Variants in DAB1 observed in about 807,000 individuals in gnomAD.
The protein encoded by DAB1 is disabled homolog 1.
DAB1 carries 15 observed loss-of-function variants against 64.6 expected under a neutral mutation model. That is an observed-to-expected ratio of 0.23 (90% CI 0.16 to 0.36). DAB1 has a LOEUF of 0.36. DAB1 is among the 10% of genes least tolerant of loss of function. The pLI, the probability that DAB1 is intolerant of heterozygous loss-of-function variation, is 1.00. For missense variants in DAB1, 596 were observed against 706.7 expected, an observed-to-expected ratio of 0.84 and a Z score of 1.78; for synonymous variants, 235 against 251.9, an observed-to-expected ratio of 0.93 and a Z score of 0.64.
chr1:57,594,803 C>T (rs369422898), intron 7 of DAB1, among the ~76,000 whole-genome samples: 23 of 152,244 alleles, frequency 1.5e-4, no homozygotes, highest in South Asian at 1.2e-3. Context: ...CTCCGCCTCC[C>T]GGGTTCACGC....
intron 6 of DAB1, among the ~76,000 whole-genome samples, chr1:57,736,619 C>A (rs1035897090): frequency 6.6e-6 from 1 of 151,940 alleles, no homozygotes; most frequent in East Asian, 1.9e-4. Flanking sequence ...TGTGATAGAG[C>A]TTTTACGACC....
chr1:57,468,531 G>A (rs753916417), intron 7 of DAB1, among the ~76,000 whole-genome samples: 9 of 152,194 alleles, frequency 5.9e-5, no homozygotes, highest in African/African-American at 2.2e-4. Context: ...GGTGATCTCA[G>A]TATCTTACAG....
In DAB1 at chr1:57,650,125, G is replaced by A. The variant is rs1010450543; in HGVS notation, n.552-460C>T. Among the ~76,000 whole-genome samples, 4 of 152,194 alleles carry A rather than the reference G, an allele frequency of 2.6e-5. No homozygotes were observed. The East Asian group carries it at 5.8e-4, about 22-fold the overall frequency. ...CCCTTTAATCTGTAATTCAGCTTCC[G>A]GATTCCTTCTTCTTCGTCTTCTTTT... is the stretch of plus-strand genomic sequence containing the variant. On this transcript the variant is annotated intron_variant and non_coding_transcript_variant, in intron 6 of 20. Coordinates refer to the DAB1 transcript ENST00000485760.
At chr1:57,713,754 G>A (rs1329575456) in intron 6 of DAB1, among the ~76,000 whole-genome samples, 2 of 152,198 alleles carry the variant, frequency 1.3e-5, no homozygotes, top group African/African-American at 2.4e-5. Flanking sequence ...GAGTATGGAT[G>A]TTGGACTCTT....
intron 7 of DAB1, among the ~76,000 whole-genome samples, chr1:57,499,531 G>A (rs757304116): frequency 2.6e-5 from 4 of 152,294 alleles, no homozygotes; most frequent in Non-Finnish European, 5.9e-5. Flanking sequence ...GCCCACCGAA[G>A]TGACCCTGCC....
At chr1:57,132,026 C>T (rs1016320439) in intron 4 of DAB1, among the ~76,000 whole-genome samples, 1 of 152,096 alleles carries the variant, frequency 6.6e-6, no homozygotes, top group African/African-American at 2.4e-5. Context: ...TTTCATATAT[C>T]TGTGCCTTTA....
At chr1:57,278,182 C>A (rs1671618243) in intron 2 of DAB1, among the ~76,000 whole-genome samples, 1 of 152,182 alleles carries the variant, frequency 6.6e-6, no homozygotes, top group South Asian at 2.1e-4. Flanking sequence ...AATTAAAATA[C>A]CTGTCCTTCT....
chr1:58,455,334 C>G (rs147530090), intron 3 of DAB1, among the ~76,000 whole-genome samples: 1 of 152,262 alleles, frequency 6.6e-6, no homozygotes. Flanking sequence ...CTCACCAACA[C>G]CTGTCAGTCA....
At chr1:57,278,583 G>A (rs1421056583) in intron 2 of DAB1, among the ~76,000 whole-genome samples, 1 of 152,134 alleles carries the variant, frequency 6.6e-6, no homozygotes, top group African/African-American at 2.4e-5. Flanking sequence ...GGAAGGAGAG[G>A]GATTCTGAGG....
chr1:58,018,173 C>T (rs560492544), intron 5 of DAB1, among the ~76,000 whole-genome samples: 2 of 152,266 alleles, frequency 1.3e-5, no homozygotes, highest in African/African-American at 4.8e-5. Flanking sequence ...CTGCTTCTAT[C>T]TGTGTCTCCC....
At chr1:57,692,223 C>T (rs183919575) in intron 6 of DAB1, among the ~76,000 whole-genome samples, 6 of 152,270 alleles carry the variant, frequency 3.9e-5, no homozygotes, top group Non-Finnish European at 8.8e-5. Context: ...CTTCCTCTCA[C>T]CTCTCTTCTC....
intron 5 of DAB1, among the ~76,000 whole-genome samples, chr1:58,027,825 T>G (rs930614398): frequency 1.3e-5 from 2 of 152,178 alleles, no homozygotes; most frequent in African/African-American, 4.8e-5. Flanking sequence ...TAAATAGGTT[T>G]TCCAGAATTC....
intron 7 of DAB1, among the ~76,000 whole-genome samples, chr1:57,633,935 G>GT (rs1646021269): frequency 6.6e-6 from 1 of 152,200 alleles, no homozygotes; most frequent in Non-Finnish European, 1.5e-5. Flanking sequence ...GTCATACTAA[G>GT]TTGCTTTATC....
chr1:57,697,242 T>C (rs527845345), intron 6 of DAB1, among the ~76,000 whole-genome samples: 1 of 151,934 alleles, frequency 6.6e-6, no homozygotes, highest in East Asian at 1.9e-4. Context: ...AATAAATGAG[T>C]TGATCAATCA....
At chr1:58,020,499 T>C (rs1646800480) in intron 5 of DAB1, among the ~76,000 whole-genome samples, 1 of 152,226 alleles carries the variant, frequency 6.6e-6, no homozygotes, top group Non-Finnish European at 1.5e-5. Flanking sequence ...TTCATCATTA[T>C]TCAGATTTAA....
At chr1:57,468,681 C>T (rs961528711) in intron 7 of DAB1, among the ~76,000 whole-genome samples, 1 of 151,920 alleles carries the variant, frequency 6.6e-6, no homozygotes, top group African/African-American at 2.4e-5. Context: ...GGTATCACAG[C>T]CATCCAAGAA....
intron 9 of DAB1, among the ~76,000 whole-genome samples, chr1:57,061,112 T>C (rs973221405): frequency 6.6e-6 from 1 of 151,534 alleles, no homozygotes; most frequent in Non-Finnish European, 1.5e-5. Flanking sequence ...GCTGTTTCCC[T>C]GAACAGTACA....
intron 5 of DAB1, among the ~76,000 whole-genome samples, chr1:57,985,647 GAA>G (rs61672026): frequency 0.024 from 3,578 of 149,842 alleles, 98 homozygotes; most frequent in African/African-American, 0.061. Context: ...CCTCAAGAAA[GAA>G]AAAAAAAAAA....
chr1:57,403,200 A>C (rs993600618), intron 1 of DAB1, among the ~76,000 whole-genome samples: 1 of 152,166 alleles, frequency 6.6e-6, no homozygotes, highest in Admixed American at 6.5e-5. Context: ...TTCAGGAATG[A>C]GAATAGGTCC....
Sources: gnomAD v4.1 joint callset for allele counts (sites outside exome capture counted in the v4.1 genomes callset) on GRCh38, gnomAD v4.1.1 for gene constraint, MANE v1.5 for transcripts, NCBI Gene and HGNC (gene_info 2026-07-23, HGNC 2026-07-21) for gene names.